The following ATF3 variants were observed in gnomAD, a reference collection of about 807,000 sequenced individuals.
ATF3 encodes activating transcription factor 3, also known as cyclic AMP-dependent transcription factor ATF-3.
A neutral mutation model predicts 18.4 loss-of-function variants in ATF3; 10 were observed. The ratio of observed to expected loss-of-function variants is 0.54; its 90% CI spans 0.34 to 0.92. The LOEUF is 0.92. Ranked by LOEUF, ATF3 falls within the 40% of genes least tolerant of loss-of-function variation. ATF3 has a pLI of 0.02. For synonymous variants in ATF3, 78 were observed against 87.9 expected, an observed-to-expected ratio of 0.89 and a Z score of 0.63; for missense variants, 183 against 222.3, an observed-to-expected ratio of 0.82 and a Z score of 1.12.
At chr1:212,586,243 T>C (rs1664778161) in intron 1 of ATF3, among the ~76,000 whole-genome samples, 1 of 152,188 alleles carries the variant, frequency 6.6e-6, no homozygotes, top group African/African-American at 2.4e-5. Context: ...GAAGTTTCTA[T>C]TATCTCTTGA....
intron 1 of ATF3, among the ~76,000 whole-genome samples, chr1:212,572,957 T>C (rs532163062): frequency 1.3e-5 from 2 of 152,336 alleles, no homozygotes; most frequent in Non-Finnish European, 2.9e-5. Flanking sequence ...TTGGCTTTTG[T>C]GTCTTTTTTA....
intron 1 of ATF3, among the ~76,000 whole-genome samples, chr1:212,586,342 A>T (rs532241119): frequency 6.6e-6 from 1 of 152,154 alleles, no homozygotes; most frequent in Admixed American, 6.5e-5. Context: ...AAGCTGGTGA[A>T]TTTTTATTTG....
intron 1 of ATF3, among the ~76,000 whole-genome samples, chr1:212,603,358 A>T (rs1442861332): frequency 6.6e-6 from 1 of 152,180 alleles, no homozygotes; most frequent in African/African-American, 2.4e-5. Flanking sequence ...CAGGGATTTA[A>T]AAAAAGGAAA....
intron 1 of ATF3, among the ~76,000 whole-genome samples, chr1:212,600,901 A>G (rs1654465378): frequency 6.6e-6 from 1 of 152,146 alleles, no homozygotes; most frequent in Non-Finnish European, 1.5e-5. Context: ...ATATATATAA[A>G]ATACCTACTA....
chr1:212,583,786 A>G (rs1664728425), intron 1 of ATF3, among the ~76,000 whole-genome samples: 1 of 152,250 alleles, frequency 6.6e-6, no homozygotes, highest in East Asian at 1.9e-4. Flanking sequence ...GGTGGGGCAT[A>G]GTAATCGGAG....
chr1:212,588,647 A>ACAACAAC (rs544603652), intron 1 of ATF3, among the ~76,000 whole-genome samples: 9 of 151,980 alleles, frequency 5.9e-5, no homozygotes, highest in African/African-American at 9.6e-5. Flanking sequence ...ACAACAACAA[A>ACAACAAC]AAAACAGTCT....
intron 1 of ATF3, among the ~76,000 whole-genome samples, chr1:212,597,411 ACATCTATT>A (rs1029197570): frequency 9.2e-5 from 9 of 97,398 alleles, no homozygotes; most frequent in African/African-American, 2.9e-4. Flanking sequence ...GTACTGAGTT[ACATCTATT>A]TATCTATCTA....
chr1:212,607,814 C>A (rs768245289), upstream of ATF3, among the ~76,000 whole-genome samples: 6 of 152,220 alleles, frequency 3.9e-5, no homozygotes, highest in Non-Finnish European at 8.8e-5. Flanking sequence ...ACCCTCCCAC[C>A]GGGTTGCCTC....
Position 212,619,487 on chromosome 1 carries a change from G to A in ATF3, c.478G>A (p.Gly160Arg). ...RPTCIVRAQNGRTPEDERNLF... is the reference protein window; with the variant it reads ...RPTCIVRAQNRRTPEDERNLF... The stretch of plus-strand genomic sequence containing the variant: ...CACGTGTATTGTCCGGGCTCAGAAT[G>A]GGAGGACTCCAGAAGATGAGAGAAA... The change falls in exon 4 of 4, where the codon GGG becomes AGG. Residue 160 changes from glycine (G) to arginine (R), a missense_variant. Gly to Arg is a moderately radical substitution (Grantham distance 125). Transcript: ENST00000341491. This position sits in a 1 kb window ranked among gnomAD's most constrained non-coding sequence, Gnocchi z 4.4. 1 of 1,614,186 alleles carries A rather than the reference G, an allele frequency of 6.2e-7. No homozygotes were observed. Among genetic ancestry groups the A allele is most frequent in the Non-Finnish European group, 8.5e-7 (1 of 1,180,038 alleles).
intron 1 of ATF3, among the ~76,000 whole-genome samples, chr1:212,572,056 A>G (rs1272726152): frequency 1.3e-5 from 2 of 152,186 alleles, no homozygotes; most frequent in East Asian, 3.8e-4. Context: ...TTTATTTACC[A>G]TAAAGTTCTC....
chr1:212,611,145 A>G (rs1431488111), intron 1 of ATF3, among the ~76,000 whole-genome samples: 2 of 152,240 alleles, frequency 1.3e-5, no homozygotes, highest in African/African-American at 2.4e-5. Flanking sequence ...GAAATGGTTT[A>G]TATGTGAGAA....
At chr1:212,602,752 C>T (rs1458900162) in intron 1 of ATF3, among the ~76,000 whole-genome samples, 1 of 152,136 alleles carries the variant, frequency 6.6e-6, no homozygotes, top group Non-Finnish European at 1.5e-5. Context: ...ACCCAGAATG[C>T]TACATAGTAA....
intron 1 of ATF3, among the ~76,000 whole-genome samples, chr1:212,592,066 C>G (rs1664897577): frequency 6.6e-6 from 1 of 152,296 alleles, no homozygotes; most frequent in Non-Finnish European, 1.5e-5. Flanking sequence ...TAAGTACCTT[C>G]ACACTGTGTG....
intron 1 of ATF3, among the ~76,000 whole-genome samples, chr1:212,571,159 G>A (rs1664472711): frequency 6.6e-6 from 1 of 152,144 alleles, no homozygotes; most frequent in Non-Finnish European, 1.5e-5. Context: ...TAGCCATTCT[G>A]TTGGGTGTGC....
At chr1:212,591,870 G>C (rs572846956) in intron 1 of ATF3, among the ~76,000 whole-genome samples, 1 of 152,096 alleles carries the variant, frequency 6.6e-6, no homozygotes, top group Non-Finnish European at 1.5e-5. Context: ...TGCTGCCCAG[G>C]GTGGAGTGCA....
chr1:212,599,338 T>C (rs1327285712), intron 1 of ATF3, among the ~76,000 whole-genome samples: 1 of 152,230 alleles, frequency 6.6e-6, no homozygotes, highest in African/African-American at 2.4e-5. Context: ...TCATTGGCTT[T>C]TCCTGGTTCT....
chr1:212,567,727 G>A (rs1315718987), intron 1 of ATF3, among the ~76,000 whole-genome samples: 2 of 152,182 alleles, frequency 1.3e-5, no homozygotes, highest in South Asian at 2.1e-4. Context: ...TAGGAACAAG[G>A]ACAAAAATCA....
At chr1:212,586,526 A>G (rs765965024) in intron 1 of ATF3, among the ~76,000 whole-genome samples, 8 of 152,190 alleles carry the variant, frequency 5.3e-5, no homozygotes, top group Non-Finnish European at 8.8e-5. Context: ...TGAATGAATG[A>G]CTACATCGGT....
intron 1 of ATF3, among the ~76,000 whole-genome samples, chr1:212,577,765 T>C (rs1379408985): frequency 6.6e-6 from 1 of 152,264 alleles, no homozygotes; most frequent in African/African-American, 2.4e-5. Flanking sequence ...TTGTTTCTTT[T>C]TTCACAGCTG....
Sources: allele counts gnomAD v4.1 joint callset (sites outside exome capture counted in the v4.1 genomes callset), GRCh38; gene constraint gnomAD v4.1.1; non-coding constraint Gnocchi (gnomAD v3.1); transcripts MANE v1.5; gene names NCBI Gene and HGNC (gene_info 2026-07-23, HGNC 2026-07-21).